The following MAN1B1 variants were observed in gnomAD, a reference collection of about 807,000 sequenced individuals.
MAN1B1 encodes mannosidase alpha class 1B member 1.
A neutral mutation model predicts 75.5 loss-of-function variants in MAN1B1; 66 were observed. That is an observed-to-expected ratio of 0.87 (90% CI 0.72 to 1.07). MAN1B1 has a LOEUF of 1.07. MAN1B1 is among the 50% of genes least tolerant of loss of function. The pLI is 0.00. For missense variants in MAN1B1, 973 were observed against 912.5 expected (o/e 1.07, Z -0.85); for synonymous variants, 453 against 382.8 (o/e 1.18, Z -2.14).
chr9:137,101,354 T>G, intron 7 of MAN1B1, 130 bp from the exon 8 acceptor site: 1 of 1,098,018 alleles, frequency 9.1e-7, no homozygotes, highest in African/African-American at 1.5e-5. Flanking sequence ...CAGTGCAGAG[T>G]GATGCCCGTT....
chr9:137,099,576 C>T (rs1353139880), intron 5 of MAN1B1, 120 bp from the exon 6 acceptor site: 9 of 1,138,500 alleles, frequency 7.9e-6, no homozygotes, highest in Non-Finnish European at 1.2e-5. Flanking sequence ...TTCCCGTCGT[C>T]CCAAACCCAC....
intron 8 of MAN1B1, chr9:137,103,295 T>TGTTACAC (rs1554755986): frequency 2.5e-5 from 9 of 358,710 alleles, no homozygotes; most frequent in African/African-American, 1.3e-4. Context: ...AGGTCGGTGG[T>TGTTACAC]ACATTCATGC....
intron 3 of MAN1B1, among the ~76,000 whole-genome samples, chr9:137,091,178 T>G (rs1391877290): frequency 6.6e-6 from 1 of 152,248 alleles, no homozygotes; most frequent in African/African-American, 2.4e-5. Context: ...AGGTGCTTCC[T>G]TTCCTTCTTT....
chr9:137,106,900 T>A (rs2131130009), intron 10 of MAN1B1, 91 bp downstream of exon 10: 1 of 1,542,646 alleles, frequency 6.5e-7, no homozygotes, highest in East Asian at 2.3e-5. Flanking sequence ...AACGAAATCC[T>A]GGCCATGGCG....
At chr9:137,106,060 C>T (rs1648069948) in intron 8 of MAN1B1, 65 bp from the exon 9 acceptor site, 3 of 1,315,120 alleles carry the variant, frequency 2.3e-6, no homozygotes, top group African/African-American at 1.4e-5. Context: ...TCACAGAGCC[C>T]CTCTACAGCT....
At chr9:137,103,804 C>T (rs1376969494) in intron 8 of MAN1B1, 1 of 450,148 alleles carries the variant, frequency 2.2e-6, no homozygotes, top group Non-Finnish European at 4.4e-6. Context: ...GTGTTACACA[C>T]ATTCACACTG....
intron 8 of MAN1B1, 189 bp from the exon 9 acceptor site, chr9:137,105,936 G>C: frequency 1.4e-6 from 1 of 698,382 alleles, no homozygotes; most frequent in Non-Finnish European, 2.6e-6. Context: ...ACTGGTGGCT[G>C]TGTGGCTGTG....
intron 10 of MAN1B1, 158 bp from the exon 11 acceptor site, chr9:137,107,092 A>T: frequency 1.2e-6 from 1 of 830,858 alleles, no homozygotes; most frequent in Non-Finnish European, 1.9e-6. Flanking sequence ...GGCCTGGTCC[A>T]GGCAGCTCCG....
In MAN1B1 at chr9:137,099,685, C is replaced by T. The variant is rs770808020; in HGVS notation, c.731-11C>T. The stretch of plus-strand genomic sequence containing the variant: ...CGTCCGCCATGGCCTGTGCTCTCTC[C>T]CCCCTACTAGTGCATCTGAACTATC... On this transcript the variant is annotated splice_polypyrimidine_tract_variant and intron_variant, in intron 5 of 12. Coordinates refer to ENST00000371589, the MANE Select transcript of MAN1B1 (RefSeq NM_016219.5). 1.2e-6 allele frequency: 2 copies of T among 1,613,918 alleles called. No homozygotes were observed. Among genetic ancestry groups the T allele is most frequent in the South Asian group, 1.1e-5 (1 of 91,070 alleles).
In MAN1B1 at chr9:137,099,722, G is replaced by A. The variant is rs758142671; in HGVS notation, c.757G>A (p.Val253Met). 7 of 1,614,222 alleles carry A rather than the reference G, an allele frequency of 4.3e-6. No individual in the cohort carries two copies. Among genetic ancestry groups the A allele is most frequent in the East Asian group, 4.5e-5 (2 of 44,890 alleles). The change falls in exon 6 of 13, where the codon GTG (valine) becomes ATG (methionine). Residue 253 changes from valine (V) to methionine (M), a missense_variant. Transcript: ENST00000371589. ...GCATCTGAACTATCGCCAGAAGGGC[G>A]TGATTGACGTCTTCCTGCATGCATG... Reference protein sequence around the residue: ...PVHLNYRQKGVIDVFLHAWKG... With the variant: ...PVHLNYRQKGMIDVFLHAWKG...
intron 1 of MAN1B1, 121 bp from the exon 2 acceptor site, chr9:137,087,954 G>T: frequency 1.2e-6 from 1 of 831,450 alleles, no homozygotes; most frequent in Non-Finnish European, 2.0e-6. Flanking sequence ...AAAAAAAAAA[G>T]AAATAGAGCT....
rs1215937759 is a variant in MAN1B1, at chr9:137,106,248, G to A, written c.1378G>A (p.Ala460Thr). 3.1e-6 allele frequency: 5 copies of A among 1,587,392 alleles called. No individual in the cohort carries two copies. Among genetic ancestry groups the A allele is most frequent in the Middle Eastern group, 1.7e-4 (1 of 5,820 alleles). The change falls in exon 9 of 13, where the codon GCC (alanine) becomes ACC (threonine). Residue 460 changes from alanine (A) to threonine (T), a missense_variant. By Grantham distance (58) the Ala-to-Thr change is moderately conservative. Transcript: ENST00000371589. ...CCACCTGGGCGTATTCACGCTGGGC[G>A]CCAGGGCCGACAGCTACTATGAGTA... is the stretch of plus-strand genomic sequence containing the variant. ...FTHLGVFTLG[A>T]RADSYYEYLL...
chr9:137,096,046 G>A (rs1005405954), intron 3 of MAN1B1, among the ~76,000 whole-genome samples, 191 bp from the exon 4 acceptor site: 11 of 152,334 alleles, frequency 7.2e-5, no homozygotes, highest in African/African-American at 2.2e-4. Context: ...TTAGCCAGTC[G>A]GCAGTGTCCC....
At chr9:137,098,298 G>T (rs1014164530) in intron 5 of MAN1B1, among the ~76,000 whole-genome samples, 1 of 152,246 alleles carries the variant, frequency 6.6e-6, no homozygotes, top group East Asian at 1.9e-4. Flanking sequence ...TTTGTTGGGG[G>T]CCTCCCAGGT....
intron 1 of MAN1B1, 59 bp from the exon 2 acceptor site, chr9:137,088,016 G>A (rs1830420121): frequency 1.6e-6 from 2 of 1,275,496 alleles, no homozygotes; most frequent in Admixed American, 1.7e-5. Flanking sequence ...GTTTGTGACA[G>A]TTGAGACGTT....
rs928952289 is a variant in MAN1B1 at position 137,107,438 on chromosome 9, G to A, written c.1755G>A (p.Val585=). The A allele has an allele frequency of 6.2e-7, 1 of 1,613,420 alleles. No homozygotes were observed. Among genetic ancestry groups the A allele is most frequent in the African/African-American group, 1.3e-5 (1 of 75,070 alleles). ...ACCCCCAGCCGGGCCGTCGGGACGT[G>A]GAGGTCAAGGTGGGCCTGGGCCTGG... is the stretch of plus-strand genomic sequence containing the variant. The part of the protein sequence containing the change: ...NLYPQPGRRD[V]EVKPADRHNL... The change falls in exon 11 of 13, where the codon GTG becomes GTA. Residue 585 remains valine, a synonymous_variant. Coordinates refer to ENST00000371589, the MANE Select transcript of MAN1B1 (RefSeq NM_016219.5).
intron 5 of MAN1B1, 103 bp downstream of exon 5, chr9:137,098,040 T>A: frequency 1.2e-6 from 1 of 834,224 alleles, no homozygotes; most frequent in Non-Finnish European, 2.0e-6. Context: ...CCCGCCCTGG[T>A]GTGCACCTTG....
At chr9:137,091,086 TCCA>T (rs1564275513) in intron 3 of MAN1B1, among the ~76,000 whole-genome samples, 2 of 152,196 alleles carry the variant, frequency 1.3e-5, no homozygotes, top group South Asian at 4.1e-4. Context: ...GGGCCACTGC[TCCA>T]CACTCTTCGG....
chr9:137,103,882 C>T (rs1350555474), intron 8 of MAN1B1: 11 of 452,138 alleles, frequency 2.4e-5, no homozygotes, highest in South Asian at 1.6e-4. Context: ...AGTGGTGTTA[C>T]ACACATTCAT....
Sources: allele counts gnomAD v4.1 joint callset (sites outside exome capture counted in the v4.1 genomes callset), GRCh38; gene constraint gnomAD v4.1.1; transcripts MANE v1.5; gene names NCBI Gene and HGNC (gene_info 2026-07-23, HGNC 2026-07-21).